The following PTPRD variants were observed in gnomAD, a reference collection of about 807,000 sequenced individuals.
PTPRD encodes receptor-type tyrosine-protein phosphatase delta.
Under a neutral mutation model 214.5 loss-of-function variants are expected in PTPRD, and 34 were observed. The ratio of observed to expected loss-of-function variants is 0.16; its 90% CI spans 0.12 to 0.21. The LOEUF (loss-of-function observed/expected upper bound fraction) is 0.21, where lower values mean the gene tolerates loss of function less well. Among genes scored for constraint, PTPRD ranks in the 10% least tolerant of loss-of-function variants. PTPRD has a pLI of 1.00. For missense variants in PTPRD, 2,545 were observed against 2,398.7 expected (o/e 1.06, Z -1.27); for synonymous variants, 1,128 against 845.7 (o/e 1.33, Z -5.79).
chr9:9,517,244 A>T (rs911211696), intron 8 of PTPRD, among the ~76,000 whole-genome samples: 2 of 152,144 alleles, frequency 1.3e-5, no homozygotes, highest in African/African-American at 4.8e-5. Flanking sequence ...AACTCACTGC[A>T]TAGTTAGAAA....
chr9:9,871,594 G>C (rs1419088412), intron 5 of PTPRD, among the ~76,000 whole-genome samples: 1 of 151,292 alleles, frequency 6.6e-6, no homozygotes, highest in African/African-American at 2.4e-5. Flanking sequence ...TCTGGAAAGG[G>C]GCCTGGGAGG....
At chr9:8,359,032 T>C (rs938465616) in intron 39 of PTPRD, among the ~76,000 whole-genome samples, 15 of 125,042 alleles carry the variant, frequency 1.2e-4, no homozygotes, top group East Asian at 2.7e-4. Flanking sequence ...GGCGTGAACC[T>C]GGGAGGCGGA....
chr9:10,450,931 TA>T (rs1646712460), intron 2 of PTPRD, among the ~76,000 whole-genome samples: 1 of 151,960 alleles, frequency 6.6e-6, no homozygotes, highest in Non-Finnish European at 1.5e-5. Context: ...ATTTGATTTA[TA>T]AAAATCTCTA....
At chr9:9,646,131 A>C (rs963692973) in intron 7 of PTPRD, among the ~76,000 whole-genome samples, 1 of 152,192 alleles carries the variant, frequency 6.6e-6, no homozygotes, top group African/African-American at 2.4e-5. Flanking sequence ...CATTTGTGAT[A>C]GTATTCCCTC....
At chr9:9,283,590 C>T (rs1030144971) in intron 9 of PTPRD, among the ~76,000 whole-genome samples, 4 of 151,470 alleles carry the variant, frequency 2.6e-5, no homozygotes, top group African/African-American at 9.7e-5. Context: ...AAGCTATCTG[C>T]TTAGTATAAG....
intron 8 of PTPRD, among the ~76,000 whole-genome samples, chr9:9,453,293 T>C (rs2092521924): frequency 6.6e-6 from 1 of 151,632 alleles, no homozygotes; most frequent in Non-Finnish European, 1.5e-5. Context: ...CGGTTGCATA[T>C]TCAGAGGCTG....
chr9:10,483,023 T>A (rs560387849), intron 2 of PTPRD, among the ~76,000 whole-genome samples: 1 of 152,160 alleles, frequency 6.6e-6, no homozygotes, highest in Admixed American at 6.5e-5. Context: ...ATCGTATGAC[T>A]CAACTTCAAA....
At chr9:10,316,301 AT>A (rs1365245991) in intron 3 of PTPRD, among the ~76,000 whole-genome samples, 1 of 151,704 alleles carries the variant, frequency 6.6e-6, no homozygotes, top group African/African-American at 2.4e-5. Context: ...GTCCTCTACT[AT>A]AAATGTAAAG....
chr9:8,876,834 C>G (rs1432013153), intron 11 of PTPRD, among the ~76,000 whole-genome samples: 1 of 152,162 alleles, frequency 6.6e-6, no homozygotes, highest in Non-Finnish European at 1.5e-5. Flanking sequence ...AGACCATGGT[C>G]TGATATTAGG....
At chr9:9,630,685 TC>T (rs1215649864) in intron 7 of PTPRD, among the ~76,000 whole-genome samples, 1 of 152,122 alleles carries the variant, frequency 6.6e-6, no homozygotes, top group Non-Finnish European at 1.5e-5. Flanking sequence ...ATAAATGTAT[TC>T]CCCTCTTATA....
At chr9:9,857,031 T>A (rs2061686619) in intron 5 of PTPRD, among the ~76,000 whole-genome samples, 1 of 152,290 alleles carries the variant, frequency 6.6e-6, no homozygotes, top group African/African-American at 2.4e-5. Flanking sequence ...GCCTTGGAAG[T>A]AGGCACTTTG....
intron 2 of PTPRD, among the ~76,000 whole-genome samples, chr9:10,570,467 A>G (rs1394873836): frequency 6.6e-6 from 1 of 152,158 alleles, no homozygotes; most frequent in Non-Finnish European, 1.5e-5. Flanking sequence ...GAAAGGACAG[A>G]TATTGATGAA....
At chr9:8,754,958 T>A (rs1305574176) in intron 11 of PTPRD, among the ~76,000 whole-genome samples, 1 of 152,076 alleles carries the variant, frequency 6.6e-6, no homozygotes, top group Non-Finnish European at 1.5e-5. Flanking sequence ...GAAAAAGGAC[T>A]GAACAATGTT....
chr9:10,084,140 G>C (rs961816451), intron 3 of PTPRD, among the ~76,000 whole-genome samples: 24 of 152,048 alleles, frequency 1.6e-4, no homozygotes, highest in Admixed American at 9.8e-4. Context: ...AGTTAAAATA[G>C]TAATACATTA....
At chr9:9,340,831 A>T (rs2780072) in intron 9 of PTPRD, among the ~76,000 whole-genome samples, 46,476 of 152,040 alleles carry the variant, frequency 0.31, 10,733 homozygotes, top group African/African-American at 0.65. Context: ...ATGATTTTTC[A>T]TGAGCTGTTA....
intron 6 of PTPRD, among the ~76,000 whole-genome samples, chr9:9,737,982 A>G (rs894211105): frequency 6.6e-6 from 1 of 152,092 alleles, no homozygotes; most frequent in Non-Finnish European, 1.5e-5. Context: ...ATCCTTGCCA[A>G]CACTTATTTT....
At chr9:9,625,502 A>G (rs76729265) in intron 7 of PTPRD, among the ~76,000 whole-genome samples, 2,309 of 151,872 alleles carry the variant, frequency 0.015, 33 homozygotes, top group Middle Eastern at 0.049. Context: ...CCACCCCAAC[A>G]GCTTCTCTGA....
chr9:8,396,943 T>A lies in PTPRD; in HGVS notation c.4211-7536A>T, dbSNP rs556763114. 1.3e-4 allele frequency among the ~76,000 whole-genome samples: 20 copies of A among 152,280 alleles called. 1 individual carries two copies. In the South Asian group the frequency reaches 2.5e-3, roughly 19 times the overall value. ...AAGGAAGTGCTTTTATGTATTTTTTTAAAAAGTACCACGAAATAAAATGAT... is the reference window on the plus strand; with the variant it reads ...AAGGAAGTGCTTTTATGTATTTTTTAAAAAAGTACCACGAAATAAAATGAT... On this transcript the variant is annotated intron_variant, in intron 36 of 45. Coordinates refer to ENST00000381196, the MANE Select transcript of PTPRD (RefSeq NM_002839.4).
intron 27 of PTPRD, among the ~76,000 whole-genome samples, chr9:8,491,162 T>G (rs947144416): frequency 3.9e-5 from 6 of 152,230 alleles, no homozygotes; most frequent in East Asian, 1.9e-4. Flanking sequence ...AAAGTAAACG[T>G]GTAGGCATCT....
Sources: allele counts gnomAD v4.1 joint callset (sites outside exome capture counted in the v4.1 genomes callset), GRCh38; gene constraint gnomAD v4.1.1; transcripts MANE v1.5; gene names NCBI Gene and HGNC (gene_info 2026-07-23, HGNC 2026-07-21).